The following RASGEF1B variants were observed in gnomAD, a reference collection of about 807,000 sequenced individuals.
The protein encoded by RASGEF1B is ras-GEF domain-containing family member 1B.
RASGEF1B carries 30 observed loss-of-function variants against 65.7 expected under a neutral mutation model. The ratio of observed to expected loss-of-function variants is 0.46; its 90% CI spans 0.34 to 0.62. The LOEUF (loss-of-function observed/expected upper bound fraction) is 0.62. Among genes scored for constraint, RASGEF1B ranks in the 20% least tolerant of loss-of-function variants. RASGEF1B has a pLI of 0.01. For missense variants in RASGEF1B, 495 were observed against 580.1 expected, an observed-to-expected ratio of 0.85 and a Z score of 1.51; for synonymous variants, 175 against 194.8, an observed-to-expected ratio of 0.90 and a Z score of 0.85.
At chr4:81,442,787 C>A (rs1258128951) in intron 8 of RASGEF1B, among the ~76,000 whole-genome samples, 1 of 152,200 alleles carries the variant, frequency 6.6e-6, no homozygotes, top group African/African-American at 2.4e-5. Flanking sequence ...ATTTATATTA[C>A]AGTCACATGT....
intron 8 of RASGEF1B, among the ~76,000 whole-genome samples, chr4:81,443,586 T>A (rs1426164831): frequency 6.6e-6 from 1 of 152,246 alleles, no homozygotes; most frequent in African/African-American, 2.4e-5. Context: ...CTAAAATTAA[T>A]CCATGTTACT....
At chr4:81,465,331 A>G (rs1161898071) in intron 1 of RASGEF1B, among the ~76,000 whole-genome samples, 1 of 152,198 alleles carries the variant, frequency 6.6e-6, no homozygotes, top group African/African-American at 2.4e-5. Flanking sequence ...GAAAGTGTAG[A>G]GCCACCATAA....
chr4:81,466,764 A>AG (rs1473228122), intron 1 of RASGEF1B, among the ~76,000 whole-genome samples: 12 of 128,622 alleles, frequency 9.3e-5, no homozygotes, highest in African/African-American at 3.4e-4. Flanking sequence ...ATGTCAAAAA[A>AG]AAAAAAAAAG....
rs796677350 is a variant in RASGEF1B, at chr4:81,466,952, A to G, written c.-7+4818T>C. ...CTTACCTCCTTAAAAAAAAAAAAAA[A>G]AAAGAAAAAAAAGGTATTGTATTGA... On this transcript the variant is annotated intron_variant, in intron 1 of 13. Transcript: ENST00000264400. 5.2e-4 allele frequency among the ~76,000 whole-genome samples: 78 copies of G among 149,538 alleles called. 1 individual carries two copies. Among genetic ancestry groups the G allele is most frequent in the African/African-American group, 1.5e-3 (60 of 40,072 alleles).
chr4:81,440,804 C>T, intron 10 of RASGEF1B, 30 bp downstream of exon 10: 3 of 1,430,356 alleles, frequency 2.1e-6, no homozygotes, highest in African/African-American at 2.8e-5. Context: ...GCAACTCTAC[C>T]ATAAGAAAGA....
chr4:81,429,411 G>T (rs754112726), intron 13 of RASGEF1B, among the ~76,000 whole-genome samples: 6 of 152,202 alleles, frequency 3.9e-5, no homozygotes, highest in Non-Finnish European at 1.5e-5. Context: ...ATACGGGAGT[G>T]CTGGGAGGGG....
At chr4:81,456,500 A>T (rs1408519855) in intron 4 of RASGEF1B, 151 bp downstream of exon 4, 2 of 801,406 alleles carry the variant, frequency 2.5e-6, no homozygotes, top group South Asian at 2.7e-5. Context: ...CTCACTTGAC[A>T]TACTAAATAG....
At chr4:81,452,763 A>G (rs552452547) in intron 4 of RASGEF1B, 1 of 152,326 alleles carries the variant, frequency 6.6e-6, no homozygotes, top group East Asian at 1.9e-4. Context: ...TATTATAAAG[A>G]CCAGCCCCTT....
chr4:81,445,732 C>A lies in RASGEF1B; in HGVS notation c.825+11G>T. The A allele has an allele frequency of 1.2e-6, 2 of 1,609,754 alleles. No individual in the cohort carries two copies. Among genetic ancestry groups the A allele is most frequent in the South Asian group, 1.1e-5 (1 of 90,844 alleles). ...GTTGAGAACTAGGAGACAGAAAATT[C>A]ATTTCCTCACCATACAGATTTCTGT... is the stretch of plus-strand genomic sequence containing the variant. On this transcript the variant is annotated intron_variant, in intron 7 of 13. Transcript: ENST00000264400.
chr4:81,458,533 A>C (rs1371134163), intron 2 of RASGEF1B, among the ~76,000 whole-genome samples: 1 of 152,230 alleles, frequency 6.6e-6, no homozygotes, highest in Non-Finnish European at 1.5e-5. Context: ...CATTAAATTT[A>C]TAAAGACAAA....
At chr4:81,434,073 AG>A in intron 11 of RASGEF1B, 110 bp from the exon 12 acceptor site, 3 of 953,554 alleles carry the variant, frequency 3.1e-6, no homozygotes, top group Non-Finnish European at 4.8e-6. Flanking sequence ...TTAAGGAGAC[AG>A]GGTTTCACTC....
chr4:81,448,620 G>T (rs1188356579), intron 4 of RASGEF1B, among the ~76,000 whole-genome samples: 2 of 152,136 alleles, frequency 1.3e-5, no homozygotes, highest in African/African-American at 4.8e-5. Flanking sequence ...TTCCAGCAAA[G>T]AAATATACCT....
At position 81,426,540 on chromosome 4, in the gene RASGEF1B, A is replaced by G. The variant is rs902749738; in HGVS notation, c.*1228T>C. 1 of 152,224 alleles carries G rather than the reference A, an allele frequency of 6.6e-6. No individual in the cohort carries two copies. Among genetic ancestry groups the G allele is most frequent in the Non-Finnish European group, 1.5e-5 (1 of 68,046 alleles). The allele number at this position is 152,224 out of a possible 1,614,324, so 9.4% of individuals were successfully genotyped here. On this transcript the variant is annotated 3_prime_UTR_variant, in exon 14 of 14. Transcript: ENST00000264400. ...GTTTTCAAATACATCTGTTTTGAAC[A>G]TGGTATTTTGTTTTTCTCATTAGCA...
chr4:81,456,302 A>C, intron 4 of RASGEF1B: 1 of 584,892 alleles, frequency 1.7e-6, no homozygotes, highest in Non-Finnish European at 3.0e-6. Flanking sequence ...GTTTATGTCT[A>C]CTAACATGCC....
chr4:81,447,856 C>T (rs1426261015), intron 5 of RASGEF1B, among the ~76,000 whole-genome samples: 1 of 152,064 alleles, frequency 6.6e-6, no homozygotes, highest in Non-Finnish European at 1.5e-5. Context: ...GCTCTTCAGC[C>T]TTGTTTAGTA....
intron 1 of RASGEF1B, among the ~76,000 whole-genome samples, chr4:81,468,422 T>G (rs951409817): frequency 6.6e-6 from 1 of 152,204 alleles, no homozygotes; most frequent in Admixed American, 6.5e-5. Context: ...ACTAATTTTC[T>G]AAGCAGGGTT....
intron 1 of RASGEF1B, among the ~76,000 whole-genome samples, chr4:81,463,454 A>G (rs145804314): frequency 9.2e-5 from 14 of 152,360 alleles, no homozygotes; most frequent in African/African-American, 2.9e-4. Context: ...CTTAGACTCA[A>G]TGAAATATAG....
intron 10 of RASGEF1B, 43 bp downstream of exon 10, chr4:81,440,791 A>C (rs1721805681): frequency 7.6e-7 from 1 of 1,317,210 alleles, no homozygotes; most frequent in South Asian, 1.3e-5. Flanking sequence ...AGCATAAAAC[A>C]CAGCAACTCT....
intron 8 of RASGEF1B, among the ~76,000 whole-genome samples, chr4:81,443,481 C>T (rs1721918284): frequency 6.6e-6 from 1 of 152,218 alleles, no homozygotes; most frequent in South Asian, 2.1e-4. Context: ...CTGCCTAAAA[C>T]CAGAGATTCG....
Sources: allele counts gnomAD v4.1 joint callset (sites outside exome capture counted in the v4.1 genomes callset), GRCh38; gene constraint gnomAD v4.1.1; transcripts MANE v1.5; gene names NCBI Gene and HGNC (gene_info 2026-07-23, HGNC 2026-07-21).